BCKDHB: variants seen among roughly 807,000 people sequenced by gnomAD.
BCKDHB encodes the protein 2-oxoisovalerate dehydrogenase subunit beta, mitochondrial.
Under a neutral mutation model 48.5 loss-of-function variants are expected in BCKDHB, and 41 were observed. The ratio of observed to expected loss-of-function variants is 0.85; its 90% confidence interval spans 0.66 to 1.10. The LOEUF is 1.10. Ranked by LOEUF, BCKDHB falls within the 50% of genes least tolerant of loss-of-function variation. The pLI, the probability that BCKDHB is intolerant of heterozygous loss-of-function variation, is 0.00. For synonymous variants in BCKDHB, 201 were observed against 174.8 expected, an observed-to-expected ratio of 1.15 and a Z score of -1.18; for missense variants, 496 against 494.2, an observed-to-expected ratio of 1.00 and a Z score of -0.03.
chr6:80,229,616 T>TA (rs1002037982), intron 8 of BCKDHB, among the ~76,000 whole-genome samples: 26 of 150,942 alleles, frequency 1.7e-4, no homozygotes, highest in African/African-American at 5.6e-4. Flanking sequence ...GAGTTGTTAT[T>TA]AAAAAAAAAG....
intron 9 of BCKDHB, among the ~76,000 whole-genome samples, chr6:80,310,387 A>T (rs1362583007): frequency 2.0e-5 from 3 of 151,928 alleles, no homozygotes; most frequent in African/African-American, 7.3e-5. Flanking sequence ...TTTGCTAAGG[A>T]TAATCGCTTC....
At chr6:80,340,725 T>C (rs990105373) in intron 9 of BCKDHB, among the ~76,000 whole-genome samples, 1 of 150,376 alleles carries the variant, frequency 6.6e-6, no homozygotes, top group Non-Finnish European at 1.5e-5. Context: ...AGAGATACTT[T>C]GTCTTCATTA....
At chr6:80,459,484 G>A in the BCKDHB span, among the ~76,000 whole-genome samples, 1 of 152,108 alleles carries the variant, frequency 6.6e-6, no homozygotes, top group African/African-American at 2.4e-5. Context: ...GGTGGTGGAG[G>A]TAAATAGGGA....
At chr6:80,164,596 C>A (rs1349368141) in intron 3 of BCKDHB, among the ~76,000 whole-genome samples, 1 of 152,048 alleles carries the variant, frequency 6.6e-6, no homozygotes, top group Non-Finnish European at 1.5e-5. Context: ...GTTTTGTTTG[C>A]TGCTGTTAGG....
At chr6:80,463,335 A>C in the BCKDHB span, 2 of 152,194 alleles carry the variant, frequency 1.3e-5, no homozygotes, top group African/African-American at 4.8e-5. Flanking sequence ...ACTCCATGTG[A>C]GTTCAAGCTG....
intron 8 of BCKDHB, among the ~76,000 whole-genome samples, chr6:80,254,426 TG>T (rs1776963920): frequency 6.6e-6 from 1 of 152,244 alleles, no homozygotes; most frequent in Non-Finnish European, 1.5e-5. Context: ...CTGGGTGCGA[TG>T]GCTCATGCCT....
intron 1 of BCKDHB, among the ~76,000 whole-genome samples, chr6:80,126,378 G>C (rs767708737): frequency 6.6e-6 from 1 of 152,130 alleles, no homozygotes; most frequent in Non-Finnish European, 1.5e-5. Context: ...AAGAAAATGG[G>C]TCTCCAGGAA....
At chr6:80,329,180 A>G (rs1769198723) in intron 9 of BCKDHB, among the ~76,000 whole-genome samples, 1 of 152,210 alleles carries the variant, frequency 6.6e-6, no homozygotes, top group Admixed American at 6.5e-5. Flanking sequence ...AACTTCTTTC[A>G]ATTCTAAAAT....
At chr6:80,127,837 C>T (rs529867794) in intron 2 of BCKDHB, among the ~76,000 whole-genome samples, 16 of 152,236 alleles carry the variant, frequency 1.1e-4, no homozygotes, top group Non-Finnish European at 4.4e-5. Context: ...CTTTCTCTTA[C>T]AGTGTGTGTG....
chr6:80,317,182 A>G (rs806843), intron 9 of BCKDHB, among the ~76,000 whole-genome samples: 114,422 of 152,082 alleles, frequency 0.75, 43,927 homozygotes, highest in Admixed American at 0.85. Flanking sequence ...CTAAAATTCA[A>G]AGATATCTGT....
intron 3 of BCKDHB, among the ~76,000 whole-genome samples, chr6:80,163,790 C>T (rs1438712788): frequency 6.6e-6 from 1 of 152,196 alleles, no homozygotes; most frequent in African/African-American, 2.4e-5. Context: ...TTTTCCCTTT[C>T]TCAGTTACTG....
intron 1 of BCKDHB, among the ~76,000 whole-genome samples, chr6:80,126,213 A>T (rs2127724686): frequency 6.6e-6 from 1 of 152,282 alleles, no homozygotes; most frequent in East Asian, 1.9e-4. Flanking sequence ...GATTGCCAAG[A>T]CCTGAACCCT....
At chr6:80,375,504 A>C in the BCKDHB span, among the ~76,000 whole-genome samples, 1 of 151,314 alleles carries the variant, frequency 6.6e-6, no homozygotes, top group Non-Finnish European at 1.5e-5. Flanking sequence ...AGAAGTTATG[A>C]TTGCCTTTTA....
chr6:80,295,245 A>G (rs1477017054), intron 9 of BCKDHB, among the ~76,000 whole-genome samples: 2 of 152,200 alleles, frequency 1.3e-5, no homozygotes. Context: ...CTTCCGATAA[A>G]GACATACCTG....
rs538233643 is a variant in BCKDHB at position 80,107,402 on chromosome 6, TTACA to T, written c.196+518_196+521del. On this transcript the variant is annotated intron_variant, in intron 1 of 9. Transcript: ENST00000320393. Reference sequence around the variant, plus strand: ...AGTTACTCAGTCCCTTGGTTTCTTCTTACATACAGAAATTGTGTGTATGTGTGTG... The same window carrying T: ...AGTTACTCAGTCCCTTGGTTTCTTCTTACAGAAATTGTGTGTATGTGTGTG... 3.9e-3 allele frequency among the ~76,000 whole-genome samples: 535 copies of T among 136,036 alleles called. 3 individuals carry two copies. The highest frequency in any genetic ancestry group is 0.013 in the African/African-American group (496 of 37,588). 89.2% of individuals were successfully genotyped at this position (136,036 alleles called of 152,430 possible). A position where few individuals can be genotyped will look rare whatever the true frequency, so the allele number is the denominator to read the frequency against.
the BCKDHB span, among the ~76,000 whole-genome samples, chr6:80,432,890 T>G: frequency 3.3e-5 from 5 of 152,204 alleles, no homozygotes; most frequent in Admixed American, 3.3e-4. Context: ...CCTTTCTGTT[T>G]GTTAGTTTTC....
chr6:80,248,691 A>C (rs1314421964), intron 8 of BCKDHB, among the ~76,000 whole-genome samples: 7 of 152,072 alleles, frequency 4.6e-5, no homozygotes, highest in Admixed American at 6.6e-5. Context: ...TGCATGTGGG[A>C]AAGTTTAAGG....
chr6:80,308,021 C>T (rs1767964290), intron 9 of BCKDHB: 3 of 645,722 alleles, frequency 4.6e-6, no homozygotes, highest in Non-Finnish European at 5.8e-6. Flanking sequence ...TGGTCACTGA[C>T]CTTGGAAGAG....
intron 3 of BCKDHB, among the ~76,000 whole-genome samples, chr6:80,140,912 C>G (rs531592880): frequency 2.0e-5 from 3 of 152,056 alleles, no homozygotes; most frequent in Non-Finnish European, 2.9e-5. Flanking sequence ...TGGTAGAATT[C>G]GGCTGTGAAT....
Sources: allele counts gnomAD v4.1 joint callset (sites outside exome capture counted in the v4.1 genomes callset), GRCh38; gene constraint gnomAD v4.1.1; transcripts MANE v1.5; gene names NCBI Gene and HGNC (gene_info 2026-07-23, HGNC 2026-07-21).